The following PTPRN2 variants were observed in gnomAD, a reference collection of about 807,000 sequenced individuals.
PTPRN2 encodes the protein receptor-type tyrosine-protein phosphatase N2.
A neutral mutation model predicts 118.8 loss-of-function variants in PTPRN2; 74 were observed. That is an observed-to-expected ratio of 0.62 (90% confidence interval 0.52 to 0.76). PTPRN2 has a LOEUF of 0.76. Among genes scored for constraint, PTPRN2 ranks in the 30% least tolerant of loss-of-function variants. The probability of loss-of-function intolerance (pLI) is 0.00; values close to 1 mark genes in which losing one functional copy is unlikely to be tolerated. For synonymous variants in PTPRN2, 641 were observed against 608.0 expected (o/e 1.05, Z -0.80); for missense variants, 1,481 against 1,394.4 (o/e 1.06, Z -0.99).
intron 11 of PTPRN2, among the ~76,000 whole-genome samples, chr7:158,079,102 TA>T (rs1384888941): frequency 6.6e-6 from 1 of 152,166 alleles, no homozygotes; most frequent in African/African-American, 2.4e-5. Flanking sequence ...CTTGGCCTCC[TA>T]AAATGCTGGG....
intron 1 of PTPRN2, among the ~76,000 whole-genome samples, chr7:158,497,571 G>T (rs1324101816): frequency 6.6e-6 from 1 of 152,192 alleles, no homozygotes; most frequent in Non-Finnish European, 1.5e-5. Flanking sequence ...TCACCCAGAA[G>T]ATTCTGGAAA....
chr7:157,711,982 C>G (rs1798654195), intron 12 of PTPRN2, among the ~76,000 whole-genome samples: 1 of 75,618 alleles, frequency 1.3e-5, no homozygotes. Context: ...CAGCTGGGGG[C>G]ACCATGAGTG....
At chr7:158,462,991 G>A (rs564079931) in intron 2 of PTPRN2, among the ~76,000 whole-genome samples, 2 of 152,392 alleles carry the variant, frequency 1.3e-5, no homozygotes, top group Non-Finnish European at 2.9e-5. Flanking sequence ...TTTTAGCAGT[G>A]ATGATTTGAA....
At chr7:157,851,782 A>T (rs1809292689) in intron 12 of PTPRN2, among the ~76,000 whole-genome samples, 1 of 152,208 alleles carries the variant, frequency 6.6e-6, no homozygotes, top group Non-Finnish European at 1.5e-5. Context: ...TCACATGCGG[A>T]ATTTGGCAGA....
At chr7:158,324,828 G>C (rs1803352475) in intron 2 of PTPRN2, among the ~76,000 whole-genome samples, 1 of 152,114 alleles carries the variant, frequency 6.6e-6, no homozygotes, top group African/African-American at 2.4e-5. Flanking sequence ...ACCGAACAAG[G>C]TGGCTTTGAT....
intron 11 of PTPRN2, among the ~76,000 whole-genome samples, chr7:158,069,066 C>T (rs909637881): frequency 2.0e-5 from 3 of 152,182 alleles, no homozygotes; most frequent in Non-Finnish European, 2.9e-5. Context: ...CATCGCATCT[C>T]GTTAGTGAAG....
At position 157,813,082 on chromosome 7, in the gene PTPRN2, G is replaced by A. The variant is rs148026215; in HGVS notation, c.1788+85591C>T. Among the ~76,000 whole-genome samples, 396 of 152,242 alleles carry A rather than the reference G, an allele frequency of 2.6e-3. 2 individuals carry two copies. Among genetic ancestry groups the A allele is most frequent in the African/African-American group, 8.6e-3 (355 of 41,512 alleles). ...TGCTCAAATGACTGTGACACGTGCC[G>A]TGTATCTGCAAAGACCTGTGCCGTG... On this transcript the variant is annotated intron_variant, in intron 12 of 22. Coordinates refer to ENST00000389418, the MANE Select transcript of PTPRN2 (RefSeq NM_002847.5). This position sits in a 1 kb window ranked among gnomAD's most constrained non-coding sequence, Gnocchi z 4.7.
intron 2 of PTPRN2, among the ~76,000 whole-genome samples, chr7:158,458,208 G>A (rs946034676): frequency 3.9e-5 from 6 of 152,080 alleles, no homozygotes; most frequent in East Asian, 3.9e-4. Context: ...TGCCCCAGAC[G>A]CCACAGCAAA....
intron 14 of PTPRN2, among the ~76,000 whole-genome samples, chr7:157,654,768 A>G (rs193048959): frequency 6.6e-6 from 1 of 152,328 alleles, no homozygotes; most frequent in African/African-American, 2.4e-5. Flanking sequence ...CCAGGTACCA[A>G]TAGAGCTTGA....
intron 11 of PTPRN2, among the ~76,000 whole-genome samples, chr7:157,932,991 TGA>T (rs1799463169): frequency 1.3e-5 from 1 of 74,622 alleles, no homozygotes. Flanking sequence ...TGAGTCACTC[TGA>T]CTGACAGTTT....
chr7:158,203,587 C>A (rs1000162631), intron 4 of PTPRN2, among the ~76,000 whole-genome samples: 1 of 139,378 alleles, frequency 7.2e-6, no homozygotes, highest in Non-Finnish European at 1.5e-5. Flanking sequence ...TCTGTTTGCC[C>A]TGTTCTGCAC....
intron 12 of PTPRN2, among the ~76,000 whole-genome samples, chr7:157,796,077 G>A (rs182927435): frequency 2.6e-5 from 4 of 152,348 alleles, no homozygotes; most frequent in South Asian, 2.1e-4. Context: ...GTTCCAGGAC[G>A]TGAGATACGG....
chr7:157,600,659 T>C (rs186005600), intron 16 of PTPRN2, among the ~76,000 whole-genome samples: 48 of 152,386 alleles, frequency 3.1e-4, no homozygotes, highest in Non-Finnish European at 6.0e-4. Context: ...TTCGCCTGCC[T>C]TGGCCTCCCA....
At chr7:158,487,882 T>G (rs1821145863) in intron 2 of PTPRN2, among the ~76,000 whole-genome samples, 1 of 152,024 alleles carries the variant, frequency 6.6e-6, no homozygotes, top group Non-Finnish European at 1.5e-5. Context: ...AAAAATCAAA[T>G]ATCATCTGTT....
At chr7:157,842,476 A>G (rs1057257984) in intron 12 of PTPRN2, among the ~76,000 whole-genome samples, 54 of 136,744 alleles carry the variant, frequency 3.9e-4, no homozygotes, top group African/African-American at 1.1e-3. Flanking sequence ...GTGCAGTGGC[A>G]TGATCTTGGC....
intron 12 of PTPRN2, among the ~76,000 whole-genome samples, chr7:157,689,804 C>A (rs1797381844): frequency 6.6e-6 from 1 of 152,214 alleles, no homozygotes; most frequent in African/African-American, 2.4e-5. Flanking sequence ...GCGTCCCCAC[C>A]TGCCTCTGGA....
chr7:157,968,781 G>A (rs1208522509), intron 11 of PTPRN2, among the ~76,000 whole-genome samples: 1 of 152,140 alleles, frequency 6.6e-6, no homozygotes, highest in Non-Finnish European at 1.5e-5. Context: ...ATTGCTGTGT[G>A]TAGAGTGAAG....
rs1196790099 is a variant in PTPRN2 at position 157,964,222 on chromosome 7, C to T, written c.1724-65485G>A. On this transcript the variant is annotated intron_variant, in intron 11 of 22. Coordinates refer to ENST00000389418, the MANE Select transcript of PTPRN2 (RefSeq NM_002847.5). This position sits in a 1 kb window ranked among gnomAD's most constrained non-coding sequence, Gnocchi z 9.0. ...GTCCCACCGACCTGGGCTGGAGCTC[C>T]CAGATGCTCCACACACCCACGTCTA... Among the ~76,000 whole-genome samples the T allele has an allele frequency of 6.6e-6, 1 of 151,968 alleles. No individual in the cohort carries two copies. Among genetic ancestry groups the T allele is most frequent in the East Asian group, 1.9e-4 (1 of 5,172 alleles).
chr7:158,204,923 T>C (rs967661033), intron 4 of PTPRN2, among the ~76,000 whole-genome samples: 1 of 152,176 alleles, frequency 6.6e-6, no homozygotes, highest in African/African-American at 2.4e-5. Context: ...ATGCAGGATT[T>C]TTCTAAGAGT....
Sources: gnomAD v4.1 joint callset for allele counts (sites outside exome capture counted in the v4.1 genomes callset) on GRCh38, gnomAD v4.1.1 for gene constraint, Gnocchi (gnomAD v3.1) non-coding constraint, MANE v1.5 for transcripts, NCBI Gene and HGNC (gene_info 2026-07-23, HGNC 2026-07-21) for gene names.